Variants in GPD2 observed in about 807,000 individuals in gnomAD.
GPD2 encodes the protein glycerol-3-phosphate dehydrogenase, mitochondrial.
A neutral mutation model predicts 82.4 loss-of-function variants in GPD2; 54 were observed. The observed-to-expected ratio is 0.66, with a 90% CI of 0.53 to 0.82. The LOEUF is 0.82. Ranked by LOEUF, GPD2 falls within the 40% of genes least tolerant of loss-of-function variation. The probability of loss-of-function intolerance (pLI) is 0.00; values close to 1 mark genes in which losing one functional copy is unlikely to be tolerated. For missense variants in GPD2, 748 were observed against 896.2 expected (o/e 0.83, Z 2.11); for synonymous variants, 288 against 306.1 (o/e 0.94, Z 0.62).
the GPD2 span, among the ~76,000 whole-genome samples, chr2:156,427,086 A>G: frequency 6.6e-6 from 1 of 152,190 alleles, no homozygotes; most frequent in Non-Finnish European, 1.5e-5. Flanking sequence ...TTATTTTCCA[A>G]TTATCTGGCT....
rs958801893 is a variant in GPD2, at chr2:156,569,986, G to T, written c.1477-101G>T. The T allele has an allele frequency of 8.8e-6, 9 of 1,025,004 alleles. No individual in the cohort carries two copies. In the African/African-American group the frequency reaches 1.4e-4, roughly 16 times the overall value. 63.5% of individuals were successfully genotyped at this position (1,025,004 alleles called of 1,614,324 possible). A position where few individuals can be genotyped will look rare whatever the true frequency, so the allele number is the denominator to read the frequency against. On this transcript the variant is annotated intron_variant, in intron 11 of 16. Coordinates refer to ENST00000438166, the MANE Select transcript of GPD2 (RefSeq NM_000408.5). ...ACTCTCCGAGAGCTATTAGTTACAGGCTGTAAGAAAACTGACAAGATAAGC... is the reference window on the plus strand; with the variant it reads ...ACTCTCCGAGAGCTATTAGTTACAGTCTGTAAGAAAACTGACAAGATAAGC...
At chr2:156,411,801 C>T in the GPD2 span, among the ~76,000 whole-genome samples, 1 of 152,094 alleles carries the variant, frequency 6.6e-6, no homozygotes, top group African/African-American at 2.4e-5. Flanking sequence ...TGGTCATTAT[C>T]TGAATTTAAG....
chr2:156,456,184 A>G (rs1373273153), intron 1 of GPD2, among the ~76,000 whole-genome samples: 5 of 152,224 alleles, frequency 3.3e-5, no homozygotes, highest in African/African-American at 9.6e-5. Flanking sequence ...AAAGAAATGC[A>G]AACAAATGTG....
chr2:156,436,368 C>T (rs1385294826), upstream of GPD2: 1 of 152,416 alleles, frequency 6.6e-6, no homozygotes, highest in Non-Finnish European at 1.5e-5. Flanking sequence ...TACACCCGCC[C>T]AGCCCGCCTC....
the GPD2 span, among the ~76,000 whole-genome samples, chr2:156,413,555 G>A: frequency 6.6e-6 from 1 of 151,576 alleles, no homozygotes; most frequent in Non-Finnish European, 1.5e-5. Context: ...CTGGACTCCA[G>A]CCTGGGTGTG....
intron 6 of GPD2, among the ~76,000 whole-genome samples, chr2:156,515,102 T>C (rs1338968850): frequency 6.6e-6 from 1 of 152,176 alleles, no homozygotes; most frequent in Non-Finnish European, 1.5e-5. Flanking sequence ...CTTGTCAATA[T>C]CTGAATCTTT....
At position 156,509,899 on chromosome 2, in the gene GPD2, G is replaced by A. The variant is rs945484382; in HGVS notation, c.275-897G>A. Among the ~76,000 whole-genome samples, 5 of 150,404 alleles carry A rather than the reference G, an allele frequency of 3.3e-5. No individual in the cohort carries two copies. In the East Asian group the frequency reaches 5.9e-4, roughly 18 times the overall value. ...AGCGATTCTCCGGCCTCAGCCTCCC[G>A]AGTAGCTGGGATTACAGGCGCATGC... is the stretch of plus-strand genomic sequence containing the variant. On this transcript the variant is annotated intron_variant, in intron 3 of 16. Transcript: ENST00000438166.
At chr2:156,419,095 T>C in the GPD2 span, among the ~76,000 whole-genome samples, 16 of 148,908 alleles carry the variant, frequency 1.1e-4, no homozygotes, top group African/African-American at 4.0e-4. Context: ...GTTTCACTCT[T>C]GTTGCCCAGG....
chr2:156,552,000 TCTC>T (rs1686776718), intron 8 of GPD2, among the ~76,000 whole-genome samples: 1 of 152,214 alleles, frequency 6.6e-6, no homozygotes, highest in South Asian at 2.1e-4. Context: ...ATACTTCCAT[TCTC>T]CTAGAATGCT....
rs1218817307 is a variant in GPD2 at position 156,530,113 on chromosome 2, C to G, written c.661+16617C>G. Among the ~76,000 whole-genome samples the G allele has an allele frequency of 2.8e-5, 4 of 144,070 alleles. No homozygotes were observed. The East Asian group carries it at 6.1e-4, about 22-fold the overall frequency. 94.5% of individuals were successfully genotyped at this position (144,070 alleles called of 152,430 possible). ...ATTTGTTTGTATCCTCTTTTATTTC[C>G]TTGAGCAGTGGTTTGTAGTTCTCCT... On this transcript the variant is annotated intron_variant, in intron 6 of 16. Coordinates refer to ENST00000438166, the MANE Select transcript of GPD2 (RefSeq NM_000408.5).
At chr2:156,508,890 T>C (rs1684881846) in intron 3 of GPD2, among the ~76,000 whole-genome samples, 1 of 152,062 alleles carries the variant, frequency 6.6e-6, no homozygotes, top group Admixed American at 6.6e-5. Context: ...ATGATGAGAG[T>C]CTTCTGGATT....
chr2:156,402,088 C>T, the GPD2 span, among the ~76,000 whole-genome samples: 1 of 152,168 alleles, frequency 6.6e-6, no homozygotes, highest in Non-Finnish European at 1.5e-5. Flanking sequence ...TGGACTTCAA[C>T]CCCGTGAGTT....
At chr2:156,566,978 A>G (rs1036357691) in intron 9 of GPD2, among the ~76,000 whole-genome samples, 7 of 152,174 alleles carry the variant, frequency 4.6e-5, no homozygotes, top group Admixed American at 3.3e-4. Context: ...GATGTTTACT[A>G]TCTTTTAATG....
Position 156,578,888 on chromosome 2 carries a change from G to A in GPD2, c.1768-1G>A. The A allele has an allele frequency of 6.5e-7, 1 of 1,550,140 alleles. No individual in the cohort carries two copies. Among genetic ancestry groups the A allele is most frequent in the Non-Finnish European group, 8.9e-7 (1 of 1,122,902 alleles). On this transcript the variant is annotated splice_acceptor_variant, in intron 13 of 16. Coordinates refer to ENST00000438166, the MANE Select transcript of GPD2 (RefSeq NM_000408.5). LOFTEE classifies it high-confidence loss of function. ...GAACTTTGTGTGTATCTCTGTTTTAGGAACAACTTGAAACAGCCAGGAAGT... is the reference window on the plus strand; with the variant it reads ...GAACTTTGTGTGTATCTCTGTTTTAAGAACAACTTGAAACAGCCAGGAAGT...
chr2:156,401,240 T>G, the GPD2 span, among the ~76,000 whole-genome samples: 1 of 152,216 alleles, frequency 6.6e-6, no homozygotes, highest in East Asian at 1.9e-4. Flanking sequence ...TGCTTTTCTA[T>G]TGCTTACTAG....
intron 1 of GPD2, among the ~76,000 whole-genome samples, chr2:156,453,647 C>T (rs1382192628): frequency 1.3e-5 from 2 of 152,098 alleles, no homozygotes; most frequent in African/African-American, 4.8e-5. Context: ...GAGGCTGAGG[C>T]GGGTGGATCA....
intron 2 of GPD2, among the ~76,000 whole-genome samples, chr2:156,487,428 T>A (rs1045397123): frequency 2.6e-5 from 4 of 152,182 alleles, no homozygotes; most frequent in Admixed American, 6.5e-5. Flanking sequence ...CTAACTGCCA[T>A]CAACAGTTCT....
chr2:156,558,754 C>T (rs1048989328), intron 9 of GPD2, among the ~76,000 whole-genome samples: 45 of 142,506 alleles, frequency 3.2e-4, no homozygotes, highest in African/African-American at 8.1e-4. Context: ...CCCACCACCA[C>T]GCCCAGCTAA....
chr2:156,440,569 TTTGAG>T (rs1682133123), intron 1 of GPD2, among the ~76,000 whole-genome samples: 1 of 152,222 alleles, frequency 6.6e-6, no homozygotes, highest in Admixed American at 6.5e-5. Flanking sequence ...TTACTAGTTC[TTTGAG>T]TTGTGTATTT....
Sources: allele counts gnomAD v4.1 joint callset (sites outside exome capture counted in the v4.1 genomes callset), GRCh38; gene constraint gnomAD v4.1.1; transcripts MANE v1.5; gene names NCBI Gene and HGNC (gene_info 2026-07-23, HGNC 2026-07-21).